KLRB1: variants seen among roughly 807,000 people sequenced by gnomAD.
The protein encoded by KLRB1 is killer cell lectin-like receptor subfamily B member 1.
In KLRB1, 27 loss-of-function variants were observed where a neutral mutation model predicts 33.5. That is an observed-to-expected ratio of 0.81 (90% CI 0.59 to 1.11). The LOEUF (loss-of-function observed/expected upper bound fraction) is 1.11, where lower values mean the gene tolerates loss of function less well. Ranked by LOEUF, KLRB1 falls within the 50% of genes most tolerant of loss-of-function variation. The probability of loss-of-function intolerance (pLI) is 0.00; values close to 1 mark genes in which losing one functional copy is unlikely to be tolerated. For missense variants in KLRB1, 241 were observed against 254.1 expected (o/e 0.95, Z 0.35); for synonymous variants, 64 against 88.9 (o/e 0.72, Z 1.58).
chr12:9,600,151 T>G (rs1336227348), intron 2 of KLRB1, among the ~76,000 whole-genome samples: 2 of 152,222 alleles, frequency 1.3e-5, no homozygotes, highest in Non-Finnish European at 2.9e-5. Context: ...AACTTTATCA[T>G]CTTCAAAATG....
At chr12:9,597,481 C>T (rs1024516253) in intron 5 of KLRB1, among the ~76,000 whole-genome samples, 4 of 152,092 alleles carry the variant, frequency 2.6e-5, no homozygotes, top group Non-Finnish European at 5.9e-5. Flanking sequence ...AAAAGCATGT[C>T]ACACTGAAGA....
chr12:9,595,590 T>C (rs1286116416), intron 5 of KLRB1, among the ~76,000 whole-genome samples, 169 bp from the exon 6 acceptor site: 1 of 152,170 alleles, frequency 6.6e-6, no homozygotes, highest in African/African-American at 2.4e-5. Flanking sequence ...ATAGAGCTAA[T>C]GTAAACCTCT....
chr12:9,607,335 C>CTTTCTTCCTTCCTTTCTTT (rs1491505010), intron 1 of KLRB1, among the ~76,000 whole-genome samples: 36 of 65,254 alleles, frequency 5.5e-4, no homozygotes, highest in South Asian at 1.7e-3. Context: ...CTCTTTCTTT[C>CTTTCTTCCTTCCTTTCTTT]CTTTCTTTCT....
chr12:9,607,849 A>C lies in KLRB1; in HGVS notation c.-10T>G. The C allele has an allele frequency of 6.3e-7, 1 of 1,597,500 alleles. No homozygotes were observed. Among genetic ancestry groups the C allele is most frequent in the East Asian group, 2.2e-5 (1 of 44,770 alleles). ...TTGCTTGTTGGTCCATGGCAGACAG[A>C]GGAAGGTGGCATTAAACTTGTGTGT... On this transcript the variant is annotated 5_prime_UTR_variant, in exon 1 of 6. Transcript: ENST00000229402.
rs1864512256 is a variant in KLRB1 at position 9,598,512 on chromosome 12, T to A, written c.401A>T (p.Asp134Val). The A allele has an allele frequency of 6.2e-7, 1 of 1,609,904 alleles. No individual in the cohort carries two copies. The highest frequency in any genetic ancestry group is 1.3e-5 in the African/African-American group (1 of 74,612). ...TKESSLLLIR[D>V]KDELIHTQNL... The stretch of plus-strand genomic sequence containing the variant: ...TTAATGATTTACCAATTCATCCTTA[T>A]CTCGAATAAGCAGCAGGCTGGATTC... The change falls in exon 4 of 6, where the codon GAT becomes GTT. Residue 134 changes from aspartate (D) to valine (V), a missense_variant. By Grantham distance (152) the Asp-to-Val change is radical (BLOSUM62 -3). Coordinates refer to ENST00000229402, the MANE Select transcript of KLRB1 (RefSeq NM_002258.3).
intron 2 of KLRB1, among the ~76,000 whole-genome samples, chr12:9,600,922 G>A (rs1864534525): frequency 6.6e-6 from 1 of 151,824 alleles, no homozygotes; most frequent in Admixed American, 6.6e-5. Flanking sequence ...AAAAGAGGAA[G>A]GAATGCCTCT....
chr12:9,604,649 C>T (rs1289471313), intron 1 of KLRB1, among the ~76,000 whole-genome samples: 1 of 152,150 alleles, frequency 6.6e-6, no homozygotes, highest in African/African-American at 2.4e-5. Flanking sequence ...TTGTCCCTCA[C>T]TTCTGTCAGG....
chr12:9,606,319 C>T (rs2120724797), intron 1 of KLRB1: 1 of 152,118 alleles, frequency 6.6e-6, no homozygotes, highest in East Asian at 1.9e-4. Context: ...TGATTTTCTG[C>T]CTCAGTTTCT....
chr12:9,606,758 ATATTTTTTT>A (rs1864609836), intron 1 of KLRB1, among the ~76,000 whole-genome samples: 1 of 65,904 alleles, frequency 1.5e-5, no homozygotes, highest in African/African-American at 9.2e-5. Context: ...ATATATATAT[ATATTTTTTT>A]TTTTTTTTTG....
intron 2 of KLRB1, 50 bp from the exon 3 acceptor site, chr12:9,599,891 A>G: frequency 1.0e-6 from 1 of 988,750 alleles, no homozygotes; most frequent in Non-Finnish European, 1.6e-6. Flanking sequence ...TGTGTGGTGG[A>G]GTGGATATAT....
At position 9,595,296 on chromosome 12, in the gene KLRB1, T is replaced by C. The variant is rs780664995; in HGVS notation, c.656A>G (p.Asn219Ser). ...ICQKELTPVR[N>S]KVYPDS is the part of the protein sequence containing the mutation. ...TAGTCAAGAGTCAGGATACACTTTATTTCTCACAGGTGTTAGTTCTTTTTG... is the reference window on the plus strand; with the variant it reads ...TAGTCAAGAGTCAGGATACACTTTACTTCTCACAGGTGTTAGTTCTTTTTG... Residue 219 changes from asparagine to serine, a missense_variant, in exon 6 of 6, where the codon AAT becomes AGT. By Grantham distance (46) the Asn-to-Ser change is conservative (BLOSUM62 1). Coordinates refer to ENST00000229402, the MANE Select transcript of KLRB1 (RefSeq NM_002258.3). The C allele has an allele frequency of 6.2e-7, 1 of 1,613,262 alleles. No individual in the cohort carries two copies. Among genetic ancestry groups the C allele is most frequent in the Non-Finnish European group, 8.5e-7 (1 of 1,179,500 alleles).
intron 1 of KLRB1, among the ~76,000 whole-genome samples, chr12:9,607,335 C>CCTTCCTTT (rs1864621978): frequency 1.7e-4 from 11 of 65,262 alleles, no homozygotes; most frequent in African/African-American, 3.8e-4. Flanking sequence ...CTCTTTCTTT[C>CCTTCCTTT]CTTTCTTTCT....
chr12:9,595,200 G>T lies in KLRB1; in HGVS notation c.*74C>A. 7.7e-7 allele frequency: 1 copy of T among 1,306,680 alleles called. No homozygotes were observed. Among genetic ancestry groups the T allele is most frequent in the Non-Finnish European group, 1.1e-6 (1 of 912,182 alleles). The allele number at this position is 1,306,680 out of a possible 1,614,324, so 80.9% of individuals were successfully genotyped here. A position where few individuals can be genotyped will look rare whatever the true frequency, so the allele number is the denominator to read the frequency against. On this transcript the variant is annotated 3_prime_UTR_variant, in exon 6 of 6. Coordinates refer to ENST00000229402, the MANE Select transcript of KLRB1 (RefSeq NM_002258.3). ...CCACTAAATGTGGCACTATTAGGTA[G>T]TACCAATAGTATGTGCAGCTACAAG...
intron 4 of KLRB1, 134 bp from the exon 5 acceptor site, chr12:9,598,295 G>A (rs1251755033): frequency 1.4e-6 from 1 of 735,428 alleles, no homozygotes; most frequent in African/African-American, 1.8e-5. Flanking sequence ...CCTTCTTTGT[G>A]ATATTTCTGT....
chr12:9,596,536 C>T (rs1864494030), intron 5 of KLRB1, among the ~76,000 whole-genome samples: 1 of 152,238 alleles, frequency 6.6e-6, no homozygotes, highest in Non-Finnish European at 1.5e-5. Flanking sequence ...TCTTTCCTTG[C>T]CTTGCAAATA....
intron 1 of KLRB1, among the ~76,000 whole-genome samples, chr12:9,607,211 T>A (rs553373474): frequency 2.6e-5 from 4 of 151,724 alleles, no homozygotes; most frequent in Non-Finnish European, 4.4e-5. Flanking sequence ...TGTAAAATAT[T>A]TTTCCTTCCT....
intron 1 of KLRB1, among the ~76,000 whole-genome samples, chr12:9,601,858 A>G (rs775656957): frequency 2.6e-5 from 4 of 152,216 alleles, no homozygotes; most frequent in Non-Finnish European, 4.4e-5. Context: ...TATACAAAGG[A>G]TTGGTGTAAG....
rs199818549 is a variant in KLRB1, at chr12:9,607,359, T to C, written c.85+396A>G. ...TCCTTTCTTTCTTTCTTTCTTCCTTTCTTTCTTTCTTTCTTTCTTTCTTTC... is the reference window on the plus strand; with the variant it reads ...TCCTTTCTTTCTTTCTTTCTTCCTTCCTTTCTTTCTTTCTTTCTTTCTTTC... On this transcript the variant is annotated intron_variant, in intron 1 of 5. Transcript: ENST00000229402. 7.5e-3 allele frequency among the ~76,000 whole-genome samples: 235 copies of C among 31,488 alleles called. 1 individual carries two copies. The South Asian group carries it at 0.13, about 17-fold the overall frequency. The allele number at this position is 31,488 out of a possible 152,430, so 20.7% of individuals were successfully genotyped here.
At position 9,594,583 on chromosome 12, in the gene KLRB1, T is replaced by C. The variant is rs1246070796; in HGVS notation, c.*691A>G. The C allele has an allele frequency of 1.3e-5, 2 of 152,214 alleles. No homozygotes were observed. Among genetic ancestry groups the C allele is most frequent in the East Asian group, 3.9e-4 (2 of 5,184 alleles). 9.4% of individuals were successfully genotyped at this position (152,214 alleles called of 1,614,324 possible). On this transcript the variant is annotated 3_prime_UTR_variant, in exon 6 of 6. Coordinates refer to ENST00000229402, the MANE Select transcript of KLRB1 (RefSeq NM_002258.3). Reference sequence around the variant, plus strand: ...AATAAAAGTATACACATTTTATTCGTTTTGCATGTACATGAGGAACTCGCA... The same window carrying C: ...AATAAAAGTATACACATTTTATTCGCTTTGCATGTACATGAGGAACTCGCA...
Sources: gnomAD v4.1 joint callset for allele counts (sites outside exome capture counted in the v4.1 genomes callset) on GRCh38, gnomAD v4.1.1 for gene constraint, MANE v1.5 for transcripts, NCBI Gene and HGNC (gene_info 2026-07-23, HGNC 2026-07-21) for gene names.